Variants in DNAH14 observed in about 807,000 individuals in gnomAD.
DNAH14 encodes axonemal beta dynein heavy chain 14.
Under a neutral mutation model 520.9 loss-of-function variants are expected in DNAH14, and 478 were observed. The observed-to-expected ratio is 0.92, with a 90% CI of 0.85 to 0.99. The LOEUF is 0.99. DNAH14 is among the 50% of genes least tolerant of loss of function. DNAH14 has a pLI of 0.00. For missense variants in DNAH14, 4,831 were observed against 5,234.5 expected, an observed-to-expected ratio of 0.92 and a Z score of 2.38; for synonymous variants, 1,581 against 1,757.2, an observed-to-expected ratio of 0.90 and a Z score of 2.51.
intron 77 of DNAH14, among the ~76,000 whole-genome samples, chr1:225,372,256 A>T (rs1176217637): frequency 6.6e-6 from 1 of 152,236 alleles, no homozygotes; most frequent in Non-Finnish European, 1.5e-5. Context: ...ATGGAAGAAC[A>T]GATGCTGAAG....
rs75734755 is a variant in DNAH14 at position 225,395,105 on chromosome 1, A to G, written c.13491+2654A>G. 9.0e-3 allele frequency among the ~76,000 whole-genome samples: 1,374 copies of G among 152,274 alleles called. 19 individuals are homozygous for G. Among genetic ancestry groups the G allele is most frequent in the East Asian group, 0.04 (206 of 5,180 alleles). On this transcript the variant is annotated intron_variant, in intron 84 of 85. Coordinates refer to ENST00000682510, the MANE Select transcript of DNAH14 (RefSeq NM_001367479.1). ...TCTGGAGTGTAGTTGGTTATAAGGT[A>G]TGATTCCTATATTAGGAATTTTTTA...
chr1:225,380,111 C>T (rs61615439), intron 79 of DNAH14, 48 bp from the exon 80 acceptor site: 177,734 of 1,512,864 alleles, frequency 0.12, 11,051 homozygotes, highest in South Asian at 0.13. Context: ...CTCCCCATCT[C>T]CCCACTTCCT....
At chr1:224,966,234 C>T (rs1438989007) in intron 5 of DNAH14, among the ~76,000 whole-genome samples, 2 of 151,852 alleles carry the variant, frequency 1.3e-5, no homozygotes, top group Non-Finnish European at 2.9e-5. Context: ...GAAAGTGAAA[C>T]AGCTAAAATA....
chr1:225,336,878 T>A (rs1271835416), intron 66 of DNAH14, among the ~76,000 whole-genome samples: 1 of 152,220 alleles, frequency 6.6e-6, no homozygotes, highest in Non-Finnish European at 1.5e-5. Context: ...AGTTGGTAGG[T>A]GCGAAATAGA....
At chr1:225,351,196 CA>C (rs2095361295) in intron 71 of DNAH14, among the ~76,000 whole-genome samples, 1 of 152,036 alleles carries the variant, frequency 6.6e-6, no homozygotes, top group Admixed American at 6.6e-5. Context: ...CACTTTAGGC[CA>C]GGAGTTTGAG....
intron 8 of DNAH14, among the ~76,000 whole-genome samples, chr1:224,983,427 A>G (rs895774861): frequency 1.3e-5 from 2 of 152,174 alleles, no homozygotes; most frequent in Admixed American, 1.3e-4. Flanking sequence ...GCCGTCTATG[A>G]CAAACCCACA....
intron 41 of DNAH14, among the ~76,000 whole-genome samples, chr1:225,217,800 C>T (rs527616683): frequency 6.6e-6 from 1 of 152,152 alleles, no homozygotes; most frequent in Non-Finnish European, 1.5e-5. Flanking sequence ...TACCGTCTGT[C>T]ACGGCTTCCC....
At chr1:225,354,423 G>A in intron 73 of DNAH14, 1 of 614,296 alleles carries the variant, frequency 1.6e-6, no homozygotes, top group Non-Finnish European at 2.9e-6. Context: ...CTGGCTGAGG[G>A]TAGAGGTTGG....
At chr1:225,050,893 C>G (rs1034060900) in intron 16 of DNAH14, among the ~76,000 whole-genome samples, 2 of 152,196 alleles carry the variant, frequency 1.3e-5, no homozygotes, top group Admixed American at 1.3e-4. Context: ...CTCAGTTCAT[C>G]AGGCATTAGT....
intron 73 of DNAH14, among the ~76,000 whole-genome samples, chr1:225,358,265 CAT>C: frequency 6.6e-6 from 1 of 152,262 alleles, no homozygotes; most frequent in Middle Eastern, 3.4e-3. Flanking sequence ...GTGTGAAAGA[CAT>C]AGAGGCACAG....
chr1:224,961,436 A>G (rs1371598668), intron 4 of DNAH14: 1 of 152,148 alleles, frequency 6.6e-6, no homozygotes, highest in African/African-American at 2.4e-5. Flanking sequence ...TTTATAAAGG[A>G]AAGGGGTTTA....
intron 37 of DNAH14, among the ~76,000 whole-genome samples, chr1:225,188,785 C>T (rs1228125916): frequency 5.3e-5 from 8 of 151,900 alleles, no homozygotes; most frequent in Non-Finnish European, 1.2e-4. Context: ...GTGAATACTA[C>T]CATCTTAATA....
chr1:225,265,144 C>A, intron 47 of DNAH14, 38 bp from the exon 48 acceptor site: 1 of 1,353,470 alleles, frequency 7.4e-7, no homozygotes, highest in Non-Finnish European at 9.7e-7. Flanking sequence ...CTTAAAGTGT[C>A]CTAAATTTGT....
intron 61 of DNAH14, among the ~76,000 whole-genome samples, chr1:225,320,000 C>G (rs567809176): frequency 2.6e-5 from 4 of 152,280 alleles, no homozygotes; most frequent in Non-Finnish European, 5.9e-5. Flanking sequence ...AGTTCTTCCC[C>G]AACACAGCCC....
chr1:225,311,675 C>T (rs568056649), intron 60 of DNAH14, among the ~76,000 whole-genome samples: 1 of 152,250 alleles, frequency 6.6e-6, no homozygotes, highest in East Asian at 1.9e-4. Context: ...TATAGCTAGC[C>T]AATTTTCCCA....
chr1:225,263,940 C>G (rs1266421612), intron 46 of DNAH14, among the ~76,000 whole-genome samples: 2 of 151,928 alleles, frequency 1.3e-5, no homozygotes, highest in African/African-American at 2.4e-5. Flanking sequence ...GCTTACTATC[C>G]AGAGAAAATA....
intron 23 of DNAH14, among the ~76,000 whole-genome samples, chr1:225,116,177 G>C (rs1173565402): frequency 6.6e-6 from 1 of 152,188 alleles, no homozygotes; most frequent in African/African-American, 2.4e-5. Flanking sequence ...TTGCAGATGG[G>C]AAAGTGGTGA....
At chr1:225,371,869 T>C (rs898099130) in intron 77 of DNAH14, among the ~76,000 whole-genome samples, 1 of 152,158 alleles carries the variant, frequency 6.6e-6, no homozygotes, top group Non-Finnish European at 1.5e-5. Context: ...GGGTCCTAAA[T>C]AAAGAATAGC....
Position 225,389,604 on chromosome 1 carries a change from T to C in DNAH14, c.13191-130T>C. 4 of 1,054,436 alleles carry C rather than the reference T, an allele frequency of 3.8e-6. No individual in the cohort carries two copies. In the South Asian group the frequency reaches 7.3e-5, roughly 19 times the overall value. 65.3% of individuals were successfully genotyped at this position (1,054,436 alleles called of 1,614,324 possible). On this transcript the variant is annotated intron_variant, in intron 82 of 85. Transcript: ENST00000682510. ...AGCTGGCTTCCATTCAAGGGCCTGATAAGAGTCCTGCATTGGGGGAATCGA... is the reference window on the plus strand; with the variant it reads ...AGCTGGCTTCCATTCAAGGGCCTGACAAGAGTCCTGCATTGGGGGAATCGA...
Sources: gnomAD v4.1 joint callset for allele counts (sites outside exome capture counted in the v4.1 genomes callset) on GRCh38, gnomAD v4.1.1 for gene constraint, MANE v1.5 for transcripts, NCBI Gene and HGNC (gene_info 2026-07-23, HGNC 2026-07-21) for gene names.